CNTNAP2: variants seen among roughly 807,000 people sequenced by gnomAD.
The protein encoded by CNTNAP2 is contactin-associated protein-like 2.
In CNTNAP2, 98 loss-of-function variants were observed where a neutral mutation model predicts 155.2. The observed-to-expected ratio is 0.63, with a 90% CI of 0.54 to 0.75. The LOEUF (loss-of-function observed/expected upper bound fraction) is 0.75. Among genes scored for constraint, CNTNAP2 ranks in the 30% least tolerant of loss-of-function variants. CNTNAP2 has a pLI of 0.00. For missense variants in CNTNAP2, 1,727 were observed against 1,688.1 expected (o/e 1.02, Z -0.40); for synonymous variants, 651 against 631.2 (o/e 1.03, Z -0.47).
chr7:146,919,358 A>AT (rs1376030075), intron 3 of CNTNAP2, among the ~76,000 whole-genome samples: 1 of 152,094 alleles, frequency 6.6e-6, no homozygotes, highest in Non-Finnish European at 1.5e-5. Flanking sequence ...TGTTCAGATT[A>AT]TTTTGTCCCA....
rs571856667 is a variant in CNTNAP2, at chr7:147,665,106, C to T, written c.2098+25800C>T. Among the ~76,000 whole-genome samples, 4 of 152,234 alleles carry T rather than the reference C, an allele frequency of 2.6e-5. No homozygotes were observed. The South Asian group carries it at 8.3e-4, about 32-fold the overall frequency. Reference sequence around the variant, plus strand: ...AATCCAGACCAAATTTTTACCTGTGCCCCAATGAACCCCTTATAACCCTTT... The same window carrying T: ...AATCCAGACCAAATTTTTACCTGTGTCCCAATGAACCCCTTATAACCCTTT... On this transcript the variant is annotated intron_variant, in intron 13 of 23. Transcript: ENST00000361727.
At chr7:147,904,884 C>A (rs2092621646) in intron 14 of CNTNAP2, among the ~76,000 whole-genome samples, 1 of 138,876 alleles carries the variant, frequency 7.2e-6, no homozygotes, top group Non-Finnish European at 1.5e-5. Context: ...AATTTTATTT[C>A]TTTGAAAGAT....
intron 13 of CNTNAP2, among the ~76,000 whole-genome samples, chr7:147,799,859 A>G (rs997810065): frequency 6.6e-6 from 1 of 152,132 alleles, no homozygotes; most frequent in Non-Finnish European, 1.5e-5. Context: ...ACACCACTCA[A>G]TATTATAGTT....
intron 1 of CNTNAP2, among the ~76,000 whole-genome samples, chr7:146,354,885 G>A (rs986744492): frequency 1.3e-5 from 2 of 152,212 alleles, no homozygotes; most frequent in South Asian, 2.1e-4. Flanking sequence ...AGGAAAATAT[G>A]AGGCATATCA....
chr7:147,514,175 A>G (rs950497765), intron 11 of CNTNAP2, among the ~76,000 whole-genome samples: 6 of 152,232 alleles, frequency 3.9e-5, no homozygotes, highest in Non-Finnish European at 7.3e-5. Context: ...AATCACAGTC[A>G]TAATGTATTA....
At chr7:147,067,328 C>T (rs1197799157) in intron 4 of CNTNAP2, among the ~76,000 whole-genome samples, 1 of 144,614 alleles carries the variant, frequency 6.9e-6, no homozygotes, top group Non-Finnish European at 1.5e-5. Context: ...TAATCCCATT[C>T]ATAAGGCCTC....
intron 6 of CNTNAP2, among the ~76,000 whole-genome samples, chr7:147,125,457 T>C (rs144157647): frequency 6.6e-6 from 1 of 152,308 alleles, no homozygotes; most frequent in Non-Finnish European, 1.5e-5. Flanking sequence ...TGGTGATATA[T>C]ACGTGCACTT....
rs188261806 is a variant in CNTNAP2 at position 146,139,093 on chromosome 7, C to T, written c.97+22120C>T. On this transcript the variant is annotated intron_variant, in intron 1 of 23. Transcript: ENST00000361727. ...AGGCAAAATCATCTGGCAGCATGATCCACTATAGTGTATTGGTTGTTAACC... is the reference window on the plus strand; with the variant it reads ...AGGCAAAATCATCTGGCAGCATGATTCACTATAGTGTATTGGTTGTTAACC... Among the ~76,000 whole-genome samples, 89 of 152,226 alleles carry T rather than the reference C, an allele frequency of 5.8e-4. 1 individual carries two copies. The highest frequency in any genetic ancestry group is 1.9e-3 in the African/African-American group (80 of 41,558).
At chr7:147,342,039 C>T (rs966203391) in intron 9 of CNTNAP2, among the ~76,000 whole-genome samples, 3 of 152,058 alleles carry the variant, frequency 2.0e-5, no homozygotes, top group Admixed American at 6.6e-5. Flanking sequence ...GTACTCTTCC[C>T]GGTTTACAGA....
At chr7:147,044,318 A>G (rs1277496038) in intron 4 of CNTNAP2, among the ~76,000 whole-genome samples, 1 of 152,094 alleles carries the variant, frequency 6.6e-6, no homozygotes, top group Non-Finnish European at 1.5e-5. Flanking sequence ...AAGATTTGGA[A>G]AGGTTTTTTT....
At chr7:146,187,939 A>G (rs774107938) in intron 1 of CNTNAP2, among the ~76,000 whole-genome samples, 25 of 152,154 alleles carry the variant, frequency 1.6e-4, no homozygotes, top group Non-Finnish European at 3.1e-4. Flanking sequence ...GCTCTTGTGC[A>G]TTTATTATTA....
At chr7:146,974,010 C>T (rs1171280757) in intron 3 of CNTNAP2, among the ~76,000 whole-genome samples, 2 of 152,120 alleles carry the variant, frequency 1.3e-5, no homozygotes, top group African/African-American at 4.8e-5. Flanking sequence ...AAGTGAAGTC[C>T]AGCAGTTTTG....
chr7:148,174,473 C>G (rs1350758593), intron 18 of CNTNAP2, among the ~76,000 whole-genome samples: 1 of 152,178 alleles, frequency 6.6e-6, no homozygotes, highest in Non-Finnish European at 1.5e-5. Context: ...CTACAAAGAG[C>G]TTTGGCATTG....
chr7:146,831,740 T>G (rs137938298), intron 2 of CNTNAP2, among the ~76,000 whole-genome samples: 31 of 150,632 alleles, frequency 2.1e-4, no homozygotes, highest in Admixed American at 1.3e-3. Context: ...TTAGCTTGTC[T>G]GAGGAGGTAT....
intron 3 of CNTNAP2, among the ~76,000 whole-genome samples, chr7:146,971,970 C>T (rs1198807933): frequency 1.3e-5 from 2 of 152,204 alleles, no homozygotes; most frequent in African/African-American, 2.4e-5. Flanking sequence ...ACATGTTCAT[C>T]TTCGTGCATT....
At chr7:147,931,465 C>T (rs150165478) in intron 14 of CNTNAP2, among the ~76,000 whole-genome samples, 1 of 152,204 alleles carries the variant, frequency 6.6e-6, no homozygotes, top group East Asian at 1.9e-4. Context: ...TCCCTGACAC[C>T]AAAGCCAGAC....
chr7:146,555,597 T>G (rs908331302), intron 1 of CNTNAP2, among the ~76,000 whole-genome samples: 1 of 152,080 alleles, frequency 6.6e-6, no homozygotes, highest in Non-Finnish European at 1.5e-5. Flanking sequence ...ATGAGGGAGA[T>G]TGTAGACTGT....
At chr7:146,240,952 C>T (rs1245396032) in intron 1 of CNTNAP2, among the ~76,000 whole-genome samples, 1 of 152,120 alleles carries the variant, frequency 6.6e-6, no homozygotes, top group African/African-American at 2.4e-5. Context: ...AGCTTTTACT[C>T]ATGGCAGAAG....
At chr7:148,217,106 T>C (rs1479479258) in intron 18 of CNTNAP2, among the ~76,000 whole-genome samples, 182 bp from the exon 19 acceptor site, 1 of 144,036 alleles carries the variant, frequency 6.9e-6, no homozygotes, top group African/African-American at 2.6e-5. Flanking sequence ...CCCTGTTACA[T>C]GCTTTTTTTT....
Sources: allele counts gnomAD v4.1 joint callset (sites outside exome capture counted in the v4.1 genomes callset), GRCh38; gene constraint gnomAD v4.1.1; transcripts MANE v1.5; gene names NCBI Gene and HGNC (gene_info 2026-07-23, HGNC 2026-07-21).